ZNF606: variants seen among roughly 807,000 people sequenced by gnomAD.
ZNF606 encodes the protein zinc finger protein 328.
A neutral mutation model predicts 74.9 loss-of-function variants in ZNF606; 37 were observed. The observed-to-expected ratio is 0.49, with a 90% confidence interval of 0.38 to 0.65. The LOEUF (loss-of-function observed/expected upper bound fraction) is 0.65. ZNF606 is among the 30% of genes least tolerant of loss of function. ZNF606 has a pLI of 0.00. For synonymous variants in ZNF606, 328 were observed against 312.4 expected (o/e 1.05, Z -0.53); for missense variants, 852 against 952.9 (o/e 0.89, Z 1.39).
rs1159494660 is a variant in ZNF606 at position 57,990,051 on chromosome 19, C to CAAA, written c.178-1333_178-1331dup. 1.8e-3 allele frequency among the ~76,000 whole-genome samples: 25 copies of CAAA among 13,840 alleles called. 4 individuals carry two copies. The highest frequency in any genetic ancestry group is 6.1e-3 in the African/African-American group (21 of 3,438). 9.1% of individuals were successfully genotyped at this position (13,840 alleles called of 152,430 possible). On this transcript the variant is annotated intron_variant, in intron 4 of 6. Coordinates refer to ENST00000551380, the MANE Select transcript of ZNF606 (RefSeq NM_001348022.3). ...TGGATGACAGAGCGAGACTCCATCT[C>CAAA]AAAAAAAAAAAAAAAAAAAAAAAAA...
intron 6 of ZNF606, 113 bp downstream of exon 6, chr19:57,988,094 T>C (rs1018164799): frequency 2.2e-5 from 17 of 769,854 alleles, no homozygotes; most frequent in African/African-American, 5.3e-5. Context: ...GAAAGCTCCT[T>C]AGAGGGAATT....
At chr19:57,991,399 C>A (rs1034783006) in intron 4 of ZNF606, among the ~76,000 whole-genome samples, 2 of 152,176 alleles carry the variant, frequency 1.3e-5, no homozygotes, top group African/African-American at 4.8e-5. Flanking sequence ...CTCCCCAACC[C>A]CCATGGTCAA....
chr19:57,991,091 C>T (rs914739098), intron 4 of ZNF606, among the ~76,000 whole-genome samples: 1 of 152,104 alleles, frequency 6.6e-6, no homozygotes, highest in African/African-American at 2.4e-5. Context: ...TACAGTGCAC[C>T]CTCGCCTTCT....
chr19:57,979,225 A>T lies in ZNF606; in HGVS notation c.1455T>A (p.Val485=). ...TGAAAGATTTCCCACACTCATTACA[A>T]ACATAAGGTTTTTCTCCTGTATGAA... ...KRIHTGEKPY[V]CNECGKSFNW... Residue 485 remains valine (V), a synonymous_variant, in exon 7 of 7, where the codon GTT becomes GTA. Coordinates refer to ENST00000551380, the MANE Select transcript of ZNF606 (RefSeq NM_001348022.3). The T allele has an allele frequency of 6.2e-7, 1 of 1,613,742 alleles. No homozygotes were observed. The highest frequency in any genetic ancestry group is 8.5e-7 in the Non-Finnish European group (1 of 1,179,894).
At chr19:58,000,226 T>TTC in intron 3 of ZNF606, 2 of 395,678 alleles carry the variant, frequency 5.1e-6, no homozygotes, top group Non-Finnish European at 8.9e-6. Context: ...CTCACTGGTT[T>TTC]TCTTTTTTTT....
chr19:57,989,619 G>T (rs2073220359), intron 4 of ZNF606, among the ~76,000 whole-genome samples: 1 of 151,702 alleles, frequency 6.6e-6, no homozygotes, highest in South Asian at 2.1e-4. Flanking sequence ...GCTAATTTTT[G>T]TATTTTTAGT....
chr19:57,983,403 C>T (rs1405691288), intron 6 of ZNF606, among the ~76,000 whole-genome samples: 3 of 151,894 alleles, frequency 2.0e-5, no homozygotes, highest in Non-Finnish European at 2.9e-5. Context: ...GGTGAAACCC[C>T]GTCTCTACTA....
intron 6 of ZNF606, among the ~76,000 whole-genome samples, chr19:57,983,838 C>T (rs1011783963): frequency 1.3e-5 from 2 of 151,802 alleles, no homozygotes; most frequent in Non-Finnish European, 2.9e-5. Context: ...CTGAATAAAA[C>T]TCCAGGAGCT....
chr19:57,983,825 C>T (rs2073126194), intron 6 of ZNF606, among the ~76,000 whole-genome samples: 1 of 143,884 alleles, frequency 7.0e-6, no homozygotes, highest in Admixed American at 6.9e-5. Flanking sequence ...ATAAGGATAC[C>T]TGCTGAATAA....
Position 57,979,884 on chromosome 19 carries a change from A to C in ZNF606, c.796T>G (p.Tyr266Asp). Residue 266 changes from tyrosine to aspartate, a missense_variant, in exon 7 of 7, where the codon TAT (tyrosine) becomes GAT (aspartate). Tyr to Asp is a radical substitution (Grantham distance 160). Transcript: ENST00000551380. ...ADKVTCENND[Y>D]DKTVYQSIQP... is the part of the protein sequence containing the mutation. ...ATGGACTGATAAACAGTTTTGTCAT[A>C]ATCATTATTTTCACAGGTAACCTTA... is the stretch of plus-strand genomic sequence containing the variant. 1 of 1,613,892 alleles carries C rather than the reference A, an allele frequency of 6.2e-7. No homozygotes were observed. Among genetic ancestry groups the C allele is most frequent in the Non-Finnish European group, 8.5e-7 (1 of 1,180,016 alleles).
intron 6 of ZNF606, among the ~76,000 whole-genome samples, chr19:57,987,640 C>T (rs1288272266): frequency 1.3e-5 from 2 of 152,008 alleles, no homozygotes; most frequent in African/African-American, 2.4e-5. Flanking sequence ...CCAGCCCAGC[C>T]AACATGGTGA....
intron 4 of ZNF606, among the ~76,000 whole-genome samples, chr19:57,995,537 A>T (rs2073325560): frequency 6.6e-6 from 1 of 152,170 alleles, no homozygotes; most frequent in African/African-American, 2.4e-5. Context: ...GAAAAAAAAT[A>T]GATTGTTGGG....
upstream of ZNF606, chr19:58,003,006 C>T (rs200752995): frequency 8.5e-4 from 382 of 446,854 alleles, no homozygotes; most frequent in Admixed American, 1.7e-3. Flanking sequence ...GGTCCCAGAC[C>T]ACCCTCCTCC....
intron 4 of ZNF606, among the ~76,000 whole-genome samples, chr19:57,996,158 T>C (rs2073339206): frequency 6.6e-6 from 1 of 152,220 alleles, no homozygotes; most frequent in Non-Finnish European, 1.5e-5. Flanking sequence ...TGCCCCCAGC[T>C]GAATATGTAA....
intron 6 of ZNF606, among the ~76,000 whole-genome samples, chr19:57,987,602 C>A (rs1360541938): frequency 6.6e-6 from 1 of 152,070 alleles, no homozygotes; most frequent in East Asian, 1.9e-4. Context: ...CCGAGGTGGG[C>A]GGATCACTTG....
chr19:57,985,137 A>C (rs1375253900), intron 6 of ZNF606, among the ~76,000 whole-genome samples: 1 of 152,094 alleles, frequency 6.6e-6, no homozygotes, highest in African/African-American at 2.4e-5. Flanking sequence ...AACACAAAAA[A>C]ACAAAATTAA....
rs747500367 is a variant in ZNF606 at position 57,979,842 on chromosome 19, C to A, written c.838G>T (p.Ala280Ser). The A allele has an allele frequency of 1.2e-6, 2 of 1,613,532 alleles. No individual in the cohort carries two copies. Among genetic ancestry groups the A allele is most frequent in the South Asian group, 1.1e-5 (1 of 91,084 alleles). Residue 280 changes from alanine (A) to serine (S), a missense_variant, in exon 7 of 7, where the codon GCA becomes TCA. Ala to Ser is a moderately conservative substitution (Grantham distance 99). Transcript: ENST00000551380. ...VYQSIQPIYP[A>S]RIQTGDNLFK... The stretch of plus-strand genomic sequence containing the variant: ...AGATTATCTCCAGTTTGTATTCTTG[C>A]AGGGTAAATAGGTTGAATGGACTGA...
chr19:58,000,947 A>G (rs556167395), intron 2 of ZNF606, among the ~76,000 whole-genome samples: 40 of 152,300 alleles, frequency 2.6e-4, no homozygotes, highest in African/African-American at 8.9e-4. Flanking sequence ...AAAATTACCA[A>G]CCAATGCTAT....
chr19:57,978,332 T>C lies in ZNF606; in HGVS notation c.2348A>G (p.Gln783Arg). 1 of 1,576,262 alleles carries C rather than the reference T, an allele frequency of 6.3e-7. No individual in the cohort carries two copies. The highest frequency in any genetic ancestry group is 1.2e-5 in the South Asian group (1 of 85,974). ...CAGTTTCTCTTCACTGTGATTTCTCTGGTGTTGAAGTAGGGCTGAGTGACC... is the reference window on the plus strand; with the variant it reads ...CAGTTTCTCTTCACTGTGATTTCTCCGGTGTTGAAGTAGGGCTGAGTGACC... ...FSGHSALLQH[Q>R]RNHSEEKLN Residue 783 changes from glutamine (Q) to arginine (R), a missense_variant, in exon 7 of 7, where the codon CAG becomes CGG. Gln to Arg is a conservative substitution (Grantham distance 43). This residue lies in a region of ZNF606 where 64 missense variants were observed against 51.1 expected (regional missense o/e 1.25). Coordinates refer to ENST00000551380, the MANE Select transcript of ZNF606 (RefSeq NM_001348022.3). The surrounding 1 kb of genome is among the most constrained non-coding windows in gnomAD (Gnocchi z 4.4).
Sources: allele counts gnomAD v4.1 joint callset (sites outside exome capture counted in the v4.1 genomes callset), GRCh38; gene constraint gnomAD v4.1.1; regional missense constraint gnomAD v4.1.1; non-coding constraint Gnocchi (gnomAD v3.1); transcripts MANE v1.5; gene names NCBI Gene and HGNC (gene_info 2026-07-23, HGNC 2026-07-21).